The following CHODL variants were observed in gnomAD, a reference collection of about 807,000 sequenced individuals.
The protein encoded by CHODL is transmembrane protein MT75.
Under a neutral mutation model 34.5 loss-of-function variants are expected in CHODL, and 29 were observed. That is an observed-to-expected ratio of 0.84 (90% CI 0.63 to 1.15). The LOEUF (loss-of-function observed/expected upper bound fraction) is 1.15. Ranked by LOEUF, CHODL falls within the 50% of genes most tolerant of loss-of-function variation. The pLI, the probability that CHODL is intolerant of heterozygous loss-of-function variation, is 0.00. For missense variants in CHODL, 332 were observed against 332.5 expected, an observed-to-expected ratio of 1.00 and a Z score of 0.01; for synonymous variants, 125 against 116.1, an observed-to-expected ratio of 1.08 and a Z score of -0.49.
chr21:18,167,224 T>TGG (rs1433025908), intron 2 of CHODL, among the ~76,000 whole-genome samples: 132 of 123,298 alleles, frequency 1.1e-3, no homozygotes, highest in African/African-American at 3.1e-3. Context: ...TGTGTGTGTG[T>TGG]GTGTGTGTGT....
Position 18,174,152 on chromosome 21 carries a change from T to TATATATATATAA in CHODL, c.-44-82348_-44-82347insTAAATATATATA, listed in dbSNP as rs1568923201. On this transcript the variant is annotated intron_variant, in intron 2 of 6. Coordinates refer to the CHODL transcript ENST00000400127. ...ATATATATATATATATATATATATA[T>TATATATATATAA]ATATATATAAAATCAAGTCTCTCAG... Among the ~76,000 whole-genome samples the TATATATATATAA allele has an allele frequency of 3.4e-4, 43 of 125,826 alleles. 1 individual carries two copies. Among genetic ancestry groups the TATATATATATAA allele is most frequent in the African/African-American group, 1.3e-3 (43 of 33,618 alleles). The allele number at this position is 125,826 out of a possible 152,430, so 82.5% of individuals were successfully genotyped here.
At chr21:18,100,579 C>G (rs555763113) in intron 2 of CHODL, among the ~76,000 whole-genome samples, 2 of 152,136 alleles carry the variant, frequency 1.3e-5, no homozygotes, top group Admixed American at 6.6e-5. Context: ...CTCAAGGACA[C>G]CTGAAGAACT....
chr21:18,171,457 T>A (rs1207974277), intron 2 of CHODL, among the ~76,000 whole-genome samples: 3 of 151,994 alleles, frequency 2.0e-5, no homozygotes, highest in East Asian at 1.9e-4. Context: ...TCCACCCGCC[T>A]CGGCCTCCCA....
At position 18,167,209 on chromosome 21, in the gene CHODL, CTCTGTGTGTGTGTGTG is replaced by C. The variant is rs1475501364; in HGVS notation, c.-44-89298_-44-89283del. On this transcript the variant is annotated intron_variant, in intron 2 of 6. Transcript: ENST00000400127. ...TATTTCACCATTCCCATTTCTCTCT[CTCTGTGTGTGTGTGTG>C]TGTGTGTGTGTGTGTGTGTGTGTGT... is the stretch of plus-strand genomic sequence containing the variant. Among the ~76,000 whole-genome samples, 27 of 129,146 alleles carry C rather than the reference CTCTGTGTGTGTGTGTG, an allele frequency of 2.1e-4. 1 individual carries two copies. The highest frequency in any genetic ancestry group is 2.0e-3 in the East Asian group (9 of 4,590). 84.7% of individuals were successfully genotyped at this position (129,146 alleles called of 152,430 possible).
intron 2 of CHODL, among the ~76,000 whole-genome samples, chr21:18,163,195 G>C (rs778835544): frequency 6.6e-6 from 1 of 152,206 alleles, no homozygotes. Context: ...ATTGAATTAT[G>C]ATAAGGCAGG....
intron 2 of CHODL, among the ~76,000 whole-genome samples, chr21:18,029,891 C>T (rs1386373106): frequency 5.9e-5 from 9 of 152,092 alleles, no homozygotes; most frequent in African/African-American, 2.2e-4. Flanking sequence ...CCTGTGATAG[C>T]ATTGCAGCCA....
chr21:18,182,356 C>A (rs571597918), intron 2 of CHODL, among the ~76,000 whole-genome samples: 22 of 152,302 alleles, frequency 1.4e-4, no homozygotes, highest in Admixed American at 5.9e-4. Flanking sequence ...GCTCTAAGGC[C>A]TGTGCTCTTT....
At chr21:17,924,028 G>A (rs144931224) in intron 1 of CHODL, among the ~76,000 whole-genome samples, 3 of 152,228 alleles carry the variant, frequency 2.0e-5, no homozygotes, top group Admixed American at 2.0e-4. Context: ...GGAACGTGAG[G>A]GTCTCTTGGA....
At chr21:18,173,660 C>T (rs1167201353) in intron 2 of CHODL, among the ~76,000 whole-genome samples, 1 of 151,970 alleles carries the variant, frequency 6.6e-6, no homozygotes, top group Non-Finnish European at 1.5e-5. Context: ...GCTCTCAAGG[C>T]CTTAGTCAAT....
intron 2 of CHODL, among the ~76,000 whole-genome samples, chr21:18,055,700 G>A (rs906297142): frequency 6.6e-6 from 1 of 151,958 alleles, no homozygotes; most frequent in African/African-American, 2.4e-5. Context: ...TTCTGCTTTT[G>A]AATTTCTGGT....
intron 2 of CHODL, among the ~76,000 whole-genome samples, chr21:18,231,492 T>A (rs2073978186): frequency 6.6e-6 from 1 of 152,060 alleles, no homozygotes; most frequent in Non-Finnish European, 1.5e-5. Context: ...AAAATGGGGC[T>A]AGACAGAGCA....
intron 2 of CHODL, among the ~76,000 whole-genome samples, chr21:18,215,329 A>C (rs2073814901): frequency 1.3e-5 from 2 of 152,156 alleles, no homozygotes; most frequent in Non-Finnish European, 2.9e-5. Flanking sequence ...GGAGATAGGC[A>C]ATTGATCTTC....
At position 18,013,635 on chromosome 21, in the gene CHODL, C is replaced by CTTTTTT. The variant is rs1212894827; in HGVS notation, c.-144-14225_-144-14220dup. ...GATCATTGATTTTCTGCTGCTGCTG[C>CTTTTTT]TTTTTTTTTTTTTTTTTGAGACAGA... On this transcript the variant is annotated intron_variant, in intron 1 of 6. Transcript: ENST00000400127. 2.1e-4 allele frequency among the ~76,000 whole-genome samples: 15 copies of CTTTTTT among 71,894 alleles called. 2 individuals are homozygous for CTTTTTT. The highest frequency in any genetic ancestry group is 1.1e-3 in the East Asian group (4 of 3,490). 47.2% of individuals were successfully genotyped at this position (71,894 alleles called of 152,430 possible). A position where few individuals can be genotyped will look rare whatever the true frequency, so the allele number is the denominator to read the frequency against.
At chr21:18,095,276 A>G (rs1259356555) in intron 2 of CHODL, among the ~76,000 whole-genome samples, 1 of 152,194 alleles carries the variant, frequency 6.6e-6, no homozygotes, top group Non-Finnish European at 1.5e-5. Flanking sequence ...AACTGAGAGA[A>G]AAGGAGAGAA....
At chr21:18,230,923 T>G (rs2073972694) in intron 2 of CHODL, among the ~76,000 whole-genome samples, 1 of 152,092 alleles carries the variant, frequency 6.6e-6, no homozygotes, top group African/African-American at 2.4e-5. Flanking sequence ...GCTTTTCTAT[T>G]TTATGATTTT....
rs188980287 is a variant in CHODL, at chr21:18,254,405, C to G, written c.80-2104C>G. Reference sequence around the variant, plus strand: ...AAATCTAAGCTAAAATAGGGCAAGACTCAGAAAGTAGAAGAGGCTATGGAC... The same window carrying G: ...AAATCTAAGCTAAAATAGGGCAAGAGTCAGAAAGTAGAAGAGGCTATGGAC... On this transcript the variant is annotated intron_variant, in intron 1 of 5. Coordinates refer to ENST00000299295, the MANE Select transcript of CHODL (RefSeq NM_024944.3). 1.3e-5 allele frequency among the ~76,000 whole-genome samples: 2 copies of G among 152,184 alleles called. 1 individual carries two copies. Among genetic ancestry groups the G allele is most frequent in the South Asian group, 4.1e-4 (2 of 4,822 alleles).
At position 17,938,501 on chromosome 21, in the gene CHODL, G is replaced by C. The variant is rs1165250380; in HGVS notation, c.-145+21101G>C. 1.9e-4 allele frequency among the ~76,000 whole-genome samples: 13 copies of C among 67,990 alleles called. 1 individual carries two copies. Among genetic ancestry groups the C allele is most frequent in the Admixed American group, 5.8e-4 (3 of 5,166 alleles). The allele number at this position is 67,990 out of a possible 152,430, so 44.6% of individuals were successfully genotyped here. Reference sequence around the variant, plus strand: ...TTTTTTTTTTTTTTTTTTAAGGAAAGGGAGTCTCGCTCCATCGCCCAGGCT... The same window carrying C: ...TTTTTTTTTTTTTTTTTTAAGGAAACGGAGTCTCGCTCCATCGCCCAGGCT... On this transcript the variant is annotated intron_variant, in intron 1 of 6. Transcript: ENST00000400127.
intron 2 of CHODL, among the ~76,000 whole-genome samples, chr21:18,167,502 G>T (rs1190290539): frequency 6.6e-6 from 1 of 151,642 alleles, no homozygotes; most frequent in Non-Finnish European, 1.5e-5. Flanking sequence ...GTACAGATGG[G>T]GTTTCACCGT....
chr21:17,960,734 A>C (rs1164990968), intron 1 of CHODL, among the ~76,000 whole-genome samples: 2 of 152,044 alleles, frequency 1.3e-5, no homozygotes, highest in Non-Finnish European at 2.9e-5. Flanking sequence ...ATTTTAACCC[A>C]TTCCTACACA....
Sources: gnomAD v4.1 joint callset for allele counts (sites outside exome capture counted in the v4.1 genomes callset) on GRCh38, gnomAD v4.1.1 for gene constraint, MANE v1.5 for transcripts, NCBI Gene and HGNC (gene_info 2026-07-23, HGNC 2026-07-21) for gene names.